GALNT17: variants seen among roughly 807,000 people sequenced by gnomAD.
The protein encoded by GALNT17 is UDP-GalNAc:polypeptide N-acetylgalactosaminyltransferase-like 3.
Under a neutral mutation model 63.7 loss-of-function variants are expected in GALNT17, and 29 were observed. That is an observed-to-expected ratio of 0.46 (90% confidence interval 0.34 to 0.62). The LOEUF (loss-of-function observed/expected upper bound fraction) is 0.62. GALNT17 is among the 20% of genes least tolerant of loss of function. The pLI, the probability that GALNT17 is intolerant of heterozygous loss-of-function variation, is 0.01. For missense variants in GALNT17, 603 were observed against 799.6 expected (o/e 0.75, Z 2.97); for synonymous variants, 305 against 318.3 (o/e 0.96, Z 0.45).
In GALNT17 at chr7:71,142,012, C is replaced by CTGTGTGTGTGTGTG. The variant is rs201770661; in HGVS notation, c.238+8994_238+9007dup. On this transcript the variant is annotated intron_variant, in intron 1 of 10. Transcript: ENST00000333538. ...TTCAGGCATGAGCCACCACATTTGG[C>CTGTGTGTGTGTGTG]TGTGTGTGTGTGTGTGTGTGTGTGT... Among the ~76,000 whole-genome samples, 270 of 124,882 alleles carry CTGTGTGTGTGTGTG rather than the reference C, an allele frequency of 2.2e-3. 5 individuals carry two copies. Among genetic ancestry groups the CTGTGTGTGTGTGTG allele is most frequent in the African/African-American group, 7.8e-3 (242 of 30,840 alleles). The allele number at this position is 124,882 out of a possible 152,430, so 81.9% of individuals were successfully genotyped here. A position where few individuals can be genotyped will look rare whatever the true frequency, so the allele number is the denominator to read the frequency against.
chr7:71,359,296 G>A (rs2116221742), intron 2 of GALNT17, among the ~76,000 whole-genome samples: 1 of 152,290 alleles, frequency 6.6e-6, no homozygotes, highest in African/African-American at 2.4e-5. Context: ...ACCTCTCAGA[G>A]GAGGGTGAAG....
intron 6 of GALNT17, among the ~76,000 whole-genome samples, chr7:71,592,165 A>G (rs942267585): frequency 2.0e-5 from 3 of 152,150 alleles, no homozygotes; most frequent in Admixed American, 6.6e-5. Flanking sequence ...GCAGGAAGGA[A>G]TCAAGGCTGG....
At chr7:71,646,747 C>CTTT (rs60956531) in intron 6 of GALNT17, among the ~76,000 whole-genome samples, 4,310 of 128,020 alleles carry the variant, frequency 0.034, 279 homozygotes, top group African/African-American at 0.11. Context: ...TCCAAGTTTC[C>CTTT]TTTTTTTTTT....
chr7:71,452,593 AT>A (rs1184414828), intron 5 of GALNT17, among the ~76,000 whole-genome samples: 1 of 152,222 alleles, frequency 6.6e-6, no homozygotes, highest in Admixed American at 6.5e-5. Flanking sequence ...CTAATATATG[AT>A]CAGTTTTTAT....
At chr7:71,700,048 T>C (rs530916323) in intron 9 of GALNT17, among the ~76,000 whole-genome samples, 8 of 152,132 alleles carry the variant, frequency 5.3e-5, no homozygotes, top group African/African-American at 1.9e-4. Flanking sequence ...TCACAGCAGT[T>C]TGGGAGGCCA....
chr7:71,483,329 G>A (rs76262058), intron 5 of GALNT17, among the ~76,000 whole-genome samples: 1,963 of 152,116 alleles, frequency 0.013, 39 homozygotes, highest in African/African-American at 0.044. Flanking sequence ...AATCAGCCTG[G>A]CGTGGTGGCA....
At chr7:71,462,081 C>T (rs370767274) in intron 5 of GALNT17, among the ~76,000 whole-genome samples, 2 of 152,106 alleles carry the variant, frequency 1.3e-5, no homozygotes, top group East Asian at 3.9e-4. Flanking sequence ...GGAGTGGGAG[C>T]TGCTCTGGGC....
chr7:71,187,751 A>T (rs1788878427), intron 1 of GALNT17, among the ~76,000 whole-genome samples: 1 of 151,990 alleles, frequency 6.6e-6, no homozygotes, highest in Non-Finnish European at 1.5e-5. Context: ...AAAATTTTTT[A>T]TTTCCATAGA....
chr7:71,695,856 C>G (rs1176891503), intron 9 of GALNT17, among the ~76,000 whole-genome samples: 1 of 152,214 alleles, frequency 6.6e-6, no homozygotes, highest in Non-Finnish European at 1.5e-5. Flanking sequence ...GGTCCTTGCT[C>G]TCAGGACAGC....
At chr7:71,199,453 C>G (rs1029684222) in intron 1 of GALNT17, among the ~76,000 whole-genome samples, 1 of 152,130 alleles carries the variant, frequency 6.6e-6, no homozygotes, top group African/African-American at 2.4e-5. Flanking sequence ...ATTCATCCAT[C>G]TGTTTACCCT....
chr7:71,329,081 C>T (rs189398395), intron 1 of GALNT17, among the ~76,000 whole-genome samples: 3 of 152,188 alleles, frequency 2.0e-5, no homozygotes, highest in Admixed American at 1.3e-4. Flanking sequence ...TATGCTGTAT[C>T]GTCAAGTGAA....
chr7:71,453,103 G>A (rs1424113614), intron 5 of GALNT17, among the ~76,000 whole-genome samples: 1 of 152,110 alleles, frequency 6.6e-6, no homozygotes, highest in East Asian at 1.9e-4. Flanking sequence ...TGTCTCCAGG[G>A]CATAAGTACC....
At chr7:71,326,032 C>G (rs1243685788) in intron 1 of GALNT17, among the ~76,000 whole-genome samples, 2 of 152,120 alleles carry the variant, frequency 1.3e-5, no homozygotes, top group Admixed American at 1.3e-4. Flanking sequence ...AAGGCTACCC[C>G]TTTTCTGTCT....
intron 3 of GALNT17, among the ~76,000 whole-genome samples, chr7:71,409,952 TC>T (rs1369674347): frequency 2.0e-5 from 3 of 152,220 alleles, no homozygotes; most frequent in Non-Finnish European, 2.9e-5. Flanking sequence ...GAAACTGCGT[TC>T]TTTGGTGAGT....
intron 3 of GALNT17, among the ~76,000 whole-genome samples, chr7:71,407,689 A>G (rs769614493): frequency 3.3e-5 from 5 of 152,234 alleles, no homozygotes; most frequent in African/African-American, 7.2e-5. Context: ...TGGAAGCTGC[A>G]GTGAGCTATG....
chr7:71,519,655 G>C (rs1289263525), intron 5 of GALNT17, among the ~76,000 whole-genome samples: 1 of 152,112 alleles, frequency 6.6e-6, no homozygotes, highest in Non-Finnish European at 1.5e-5. Context: ...GTAGAGATGA[G>C]ATTTTACCGT....
intron 1 of GALNT17, among the ~76,000 whole-genome samples, chr7:71,148,595 TTAAAA>T (rs1788067594): frequency 5.3e-5 from 8 of 152,090 alleles, no homozygotes; most frequent in African/African-American, 1.9e-4. Flanking sequence ...CCATTGAATA[TTAAAA>T]TTTAGCAAGA....
At chr7:71,205,031 T>C (rs1789244784) in intron 1 of GALNT17, among the ~76,000 whole-genome samples, 2 of 152,206 alleles carry the variant, frequency 1.3e-5, no homozygotes, top group Non-Finnish European at 2.9e-5. Context: ...CATCTTTTCA[T>C]TTACTTGTGT....
rs147708163 is a variant in GALNT17 at position 71,653,183 on chromosome 7, T to G, written c.1081-12228T>G. Among the ~76,000 whole-genome samples, 1,475 of 151,596 alleles carry G rather than the reference T, an allele frequency of 9.7e-3. 33 individuals are homozygous for G. Among genetic ancestry groups the G allele is most frequent in the East Asian group, 0.087 (441 of 5,096 alleles). ...GGCACCTGCCACCACACCCAGCTAA[T>G]TTTTGTATTTTTAGTAGAGACGGGG... On this transcript the variant is annotated intron_variant, in intron 6 of 10. Coordinates refer to ENST00000333538, the MANE Select transcript of GALNT17 (RefSeq NM_022479.3).
Sources: gnomAD v4.1 joint callset for allele counts (sites outside exome capture counted in the v4.1 genomes callset) on GRCh38, gnomAD v4.1.1 for gene constraint, MANE v1.5 for transcripts, NCBI Gene and HGNC (gene_info 2026-07-23, HGNC 2026-07-21) for gene names.